The following RING1 variants were observed in gnomAD, a reference collection of about 807,000 sequenced individuals.
RING1 encodes E3 ubiquitin-protein ligase RING1.
In RING1, 8 loss-of-function variants were observed where a neutral mutation model predicts 35.0. The observed-to-expected ratio is 0.23, with a 90% CI of 0.13 to 0.41. The LOEUF (loss-of-function observed/expected upper bound fraction) is 0.41. Among genes scored for constraint, RING1 ranks in the 10% least tolerant of loss-of-function variants. RING1 has a pLI of 1.00. For missense variants in RING1, 343 were observed against 546.8 expected (o/e 0.63, Z 3.72); for synonymous variants, 214 against 224.3 (o/e 0.95, Z 0.41).
rs1349206564 is a variant in RING1, at chr6:33,208,853, A to G, written c.31A>G (p.Ser11Gly). The G allele has an allele frequency of 1.2e-6, 2 of 1,608,746 alleles. No homozygotes were observed. Reference sequence around the variant, plus strand: ...GACGCCGGCGAATGCCCAGAATGCCAGCAAAACGTGGGAACTGAGTCTGTA... The same window carrying G: ...GACGCCGGCGAATGCCCAGAATGCCGGCAAAACGTGGGAACTGAGTCTGTA... Reference protein sequence around the residue: MTTPANAQNASKTWELSLYEL... With the variant: MTTPANAQNAGKTWELSLYEL... Residue 11 changes from serine (S) to glycine (G), a missense_variant, in exon 2 of 7, where the codon AGC becomes GGC. Physicochemically the swap from Ser to Gly is moderately conservative, Grantham distance 56 (BLOSUM62 0). Coordinates refer to ENST00000374656, the MANE Select transcript of RING1 (RefSeq NM_002931.4). The surrounding 1 kb of genome is among the most constrained non-coding windows in gnomAD (Gnocchi z 6.2).
In RING1 at chr6:33,211,052, A is replaced by G; in HGVS notation, c.456-106A>G. The G allele has an allele frequency of 2.4e-6, 3 of 1,276,544 alleles. No homozygotes were observed. The highest frequency in any genetic ancestry group is 2.3e-5 in the Admixed American group (1 of 43,252). 79.1% of individuals were successfully genotyped at this position (1,276,544 alleles called of 1,614,324 possible). On this transcript the variant is annotated intron_variant, in intron 4 of 6. Transcript: ENST00000374656. The surrounding 1 kb of genome is among the most constrained non-coding windows in gnomAD (Gnocchi z 6.3). ...GCTTAGCACATTGTGTTTAATAAAT[A>G]TTAGGTATCGTCATTAGGATTTTTC... is the stretch of plus-strand genomic sequence containing the variant.
In RING1 at chr6:33,208,705, G is replaced by T. The variant is rs1775312794; in HGVS notation, c.-58-60G>T. On this transcript the variant is annotated intron_variant, in intron 1 of 6. Coordinates refer to ENST00000374656, the MANE Select transcript of RING1 (RefSeq NM_002931.4). This position sits in a 1 kb window ranked among gnomAD's most constrained non-coding sequence, Gnocchi z 6.2. Reference sequence around the variant, plus strand: ...GGCGGAGAGGGGCGCTTCTGGAGGGGCGGGGTCTACGCGAGGGGCGGCCCC... The same window carrying T: ...GGCGGAGAGGGGCGCTTCTGGAGGGTCGGGGTCTACGCGAGGGGCGGCCCC... 1.2e-6 allele frequency: 1 copy of T among 807,322 alleles called. No individual in the cohort carries two copies. Among genetic ancestry groups the T allele is most frequent in the South Asian group, 1.9e-5 (1 of 53,936 alleles). 50.0% of individuals were successfully genotyped at this position (807,322 alleles called of 1,614,324 possible). A position where few individuals can be genotyped will look rare whatever the true frequency, so the allele number is the denominator to read the frequency against.
Position 33,209,161 on chromosome 6 carries a change from C to T in RING1, c.78+261C>T. On this transcript the variant is annotated intron_variant, in intron 2 of 6. Transcript: ENST00000374656. The surrounding 1 kb of genome is among the most constrained non-coding windows in gnomAD (Gnocchi z 5.1). Reference sequence around the variant, plus strand: ...AAAATTACCTTCCCTGTTCCTCATTCAGTGTCATAAGTCAGTGCACATAAG... The same window carrying T: ...AAAATTACCTTCCCTGTTCCTCATTTAGTGTCATAAGTCAGTGCACATAAG... The T allele has an allele frequency of 1.5e-6, 1 of 686,324 alleles. No individual in the cohort carries two copies. The highest frequency in any genetic ancestry group is 2.7e-6 in the Non-Finnish European group (1 of 375,344). The allele number at this position is 686,324 out of a possible 1,614,324, so 42.5% of individuals were successfully genotyped here.
In RING1 at chr6:33,210,240, C is replaced by G. The variant is rs1043584866; in HGVS notation, c.455+110C>G. ...TCCTAGGAGCTGACCACAGACTGAT[C>G]ATTAGGGCTGGAAATCATGGGTGTA... On this transcript the variant is annotated intron_variant, in intron 4 of 6. Coordinates refer to ENST00000374656, the MANE Select transcript of RING1 (RefSeq NM_002931.4). The G allele has an allele frequency of 1.6e-5, 15 of 930,160 alleles. No individual in the cohort carries two copies. In the East Asian group the frequency reaches 4.0e-4, roughly 25 times the overall value. The allele number at this position is 930,160 out of a possible 1,614,324, so 57.6% of individuals were successfully genotyped here.
At position 33,212,617 on chromosome 6, in the gene RING1, C is replaced by T. The variant is rs1775628886; in HGVS notation, c.*218C>T. On this transcript the variant is annotated 3_prime_UTR_variant, in exon 7 of 7. Coordinates refer to ENST00000374656, the MANE Select transcript of RING1 (RefSeq NM_002931.4). ...CCCCCATCTGCTGCCTTTTCTATTG[C>T]CCTGCAACGTCCCATCTATACGAGG... The T allele has an allele frequency of 1.2e-5, 6 of 480,626 alleles. No individual in the cohort carries two copies. Among genetic ancestry groups the T allele is most frequent in the Non-Finnish European group, 1.8e-5 (5 of 272,160 alleles). 29.8% of individuals were successfully genotyped at this position (480,626 alleles called of 1,614,324 possible). A position where few individuals can be genotyped will look rare whatever the true frequency, so the allele number is the denominator to read the frequency against.
Position 33,208,885 on chromosome 6 carries a change from G to C in RING1, c.63G>C (p.Leu21=). 6.2e-7 allele frequency: 1 copy of C among 1,612,380 alleles called. No homozygotes were observed. Among genetic ancestry groups the C allele is most frequent in the African/African-American group, 1.3e-5 (1 of 75,000 alleles). ...SKTWELSLYE[L]HRTPQEAIMD... The stretch of plus-strand genomic sequence containing the variant: ...CGTGGGAACTGAGTCTGTATGAGCT[G>C]CACCGGACCCCGCAGGTGACAGGCA... The change falls in exon 2 of 7, where the codon CTG becomes CTC. Residue 21 remains leucine (L), a synonymous_variant. Transcript: ENST00000374656. The surrounding 1 kb of genome is among the most constrained non-coding windows in gnomAD (Gnocchi z 6.2).
At chr6:33,212,132 C>A in intron 6 of RING1, 130 bp downstream of exon 6, 1 of 850,690 alleles carries the variant, frequency 1.2e-6, no homozygotes, top group Admixed American at 2.5e-5. Context: ...TTTCTATGTC[C>A]CCTCTCCTTT....
Position 33,209,594 on chromosome 6 carries a change from C to T in RING1, c.79-32C>T, listed in dbSNP as rs527340598. ...TTCTAAAACCCCTTTCCCTCTAACC[C>T]ACACCACCTTTCTACTCACTGATGC... On this transcript the variant is annotated intron_variant, in intron 2 of 6. Coordinates refer to ENST00000374656, the MANE Select transcript of RING1 (RefSeq NM_002931.4). The surrounding 1 kb of genome is among the most constrained non-coding windows in gnomAD (Gnocchi z 5.1). The T allele has an allele frequency of 7.5e-6, 12 of 1,602,746 alleles. No homozygotes were observed. The African/African-American group carries it at 1.3e-4, about 18-fold the overall frequency.
rs779498989 is a variant in RING1 at position 33,208,800 on chromosome 6, T to TG, written c.-17dup. On this transcript the variant is annotated 5_prime_UTR_variant, in exon 2 of 7. Transcript: ENST00000374656. The surrounding 1 kb of genome is among the most constrained non-coding windows in gnomAD (Gnocchi z 6.2). ...CTTCTCCTCGGCTGTGGAGCCCTGG[T>TG]GGGGGGTCTGCGCCCGGTCACCATG... 4.5e-4 allele frequency: 718 copies of TG among 1,584,358 alleles called. 3 individuals are homozygous for TG. In the East Asian group the frequency reaches 7.7e-3, roughly 17 times the overall value.
chr6:33,208,720 G>A lies in RING1; in HGVS notation c.-58-45G>A. 1 of 953,984 alleles carries A rather than the reference G, an allele frequency of 1.0e-6. No individual in the cohort carries two copies. The highest frequency in any genetic ancestry group is 1.5e-6 in the Non-Finnish European group (1 of 661,256). The allele number at this position is 953,984 out of a possible 1,614,324, so 59.1% of individuals were successfully genotyped here. ...TTCTGGAGGGGCGGGGTCTACGCGA[G>A]GGGCGGCCCCCCTGACGCCCTCCTC... On this transcript the variant is annotated intron_variant, in intron 1 of 6. Transcript: ENST00000374656. This position sits in a 1 kb window ranked among gnomAD's most constrained non-coding sequence, Gnocchi z 6.2.
intron 6 of RING1, 100 bp from the exon 7 acceptor site, chr6:33,212,198 C>A: frequency 1.1e-6 from 1 of 943,834 alleles, no homozygotes; most frequent in South Asian, 1.5e-5. Flanking sequence ...TTTTTCTTTC[C>A]TCCTCCCTTG....
rs987164181 is a variant in RING1 at position 33,212,321 on chromosome 6, G to A, written c.1143G>A (p.Leu381=). The A allele has an allele frequency of 4.4e-6, 7 of 1,591,062 alleles. No individual in the cohort carries two copies. Among genetic ancestry groups the A allele is most frequent in the Non-Finnish European group, 6.0e-6 (7 of 1,168,930 alleles). The change falls in exon 7 of 7, where the codon CTG becomes CTA. Residue 381 remains leucine, a synonymous_variant. Coordinates refer to ENST00000374656, the MANE Select transcript of RING1 (RefSeq NM_002931.4). ...AGACGTTGAATGGCTCGCTGACCCTGGAGCTGGTGAATGAGAAATTCTGGA... is the reference window on the plus strand; with the variant it reads ...AGACGTTGAATGGCTCGCTGACCCTAGAGCTGGTGAATGAGAAATTCTGGA... ...AFTTLNGSLT[L]ELVNEKFWKV...
In RING1 at chr6:33,208,522, A is replaced by G. The variant is rs1583451824; in HGVS notation, c.-181A>G. On this transcript the variant is annotated 5_prime_UTR_variant, in exon 1 of 7. An upstream start codon of the reference 5' UTR is lost. Transcript: ENST00000374656. The surrounding 1 kb of genome is among the most constrained non-coding windows in gnomAD (Gnocchi z 6.2). ...GACGTAGGGCCCCAGCGCCCGGGCC[A>G]TGGCGGCGGCGGTGGCGGGAGCTGC... The G allele has an allele frequency of 4.7e-6, 2 of 423,312 alleles. No individual in the cohort carries two copies. The highest frequency in any genetic ancestry group is 8.3e-6 in the Non-Finnish European group (2 of 242,180). 26.2% of individuals were successfully genotyped at this position (423,312 alleles called of 1,614,324 possible). A position where few individuals can be genotyped will look rare whatever the true frequency, so the allele number is the denominator to read the frequency against.
At position 33,208,815 on chromosome 6, in the gene RING1, C is replaced by T. The variant is rs748926440; in HGVS notation, c.-8C>T. 1.1e-5 allele frequency: 18 copies of T among 1,599,746 alleles called. No homozygotes were observed. Among genetic ancestry groups the T allele is most frequent in the Non-Finnish European group, 1.5e-5 (17 of 1,171,110 alleles). On this transcript the variant is annotated 5_prime_UTR_variant, in exon 2 of 7. Transcript: ENST00000374656. This position sits in a 1 kb window ranked among gnomAD's most constrained non-coding sequence, Gnocchi z 6.2. ...GGAGCCCTGGTGGGGGGTCTGCGCC[C>T]GGTCACCATGACGACGCCGGCGAAT...
chr6:33,211,737 A>G lies in RING1; in HGVS notation c.854A>G (p.Lys285Arg). ...KGEYCQTRYV[K>R]TTGNATVDHL... ...CCTCCCTCCCATTCCAGGTATGTGA[A>G]GACAACTGGGAATGCCACAGTGGAC... Residue 285 changes from lysine (K) to arginine (R), a missense_variant, in exon 6 of 7, where the codon AAG becomes AGG. Around this residue, in one of 2 missense-constraint regions of RING1, gnomAD observed 278 missense variants for 383.5 expected, o/e 0.72. Coordinates refer to ENST00000374656, the MANE Select transcript of RING1 (RefSeq NM_002931.4). This position sits in a 1 kb window ranked among gnomAD's most constrained non-coding sequence, Gnocchi z 6.3. The G allele has an allele frequency of 6.5e-7, 1 of 1,544,304 alleles. No individual in the cohort carries two copies. Among genetic ancestry groups the G allele is most frequent in the Non-Finnish European group, 8.7e-7 (1 of 1,144,140 alleles).
In RING1 at chr6:33,208,760, C is replaced by A; in HGVS notation, c.-58-5C>A. 1 of 1,391,178 alleles carries A rather than the reference C, an allele frequency of 7.2e-7. No individual in the cohort carries two copies. The highest frequency in any genetic ancestry group is 9.7e-7 in the Non-Finnish European group (1 of 1,032,468). 86.2% of individuals were successfully genotyped at this position (1,391,178 alleles called of 1,614,324 possible). On this transcript the variant is annotated splice_polypyrimidine_tract_variant and splice_region_variant and intron_variant, in intron 1 of 6. Coordinates refer to ENST00000374656, the MANE Select transcript of RING1 (RefSeq NM_002931.4). The surrounding 1 kb of genome is among the most constrained non-coding windows in gnomAD (Gnocchi z 6.2). ...ACGCCCTCCTCCCCTTCCCCCCACCCCCAGCCTTCTTCGCCTTCTCCTCGG... is the reference window on the plus strand; with the variant it reads ...ACGCCCTCCTCCCCTTCCCCCCACCACCAGCCTTCTTCGCCTTCTCCTCGG...
In RING1 at chr6:33,208,834, G is replaced by A; in HGVS notation, c.12G>A (p.Pro4=). 1.2e-6 allele frequency: 2 copies of A among 1,604,600 alleles called. No homozygotes were observed. The highest frequency in any genetic ancestry group is 1.7e-4 in the Middle Eastern group (1 of 6,026). The change falls in exon 2 of 7, where the codon CCG becomes CCA. Residue 4 remains proline (P), a synonymous_variant. Transcript: ENST00000374656. The surrounding 1 kb of genome is among the most constrained non-coding windows in gnomAD (Gnocchi z 6.2). ...TGCGCCCGGTCACCATGACGACGCCGGCGAATGCCCAGAATGCCAGCAAAA... is the reference window on the plus strand; with the variant it reads ...TGCGCCCGGTCACCATGACGACGCCAGCGAATGCCCAGAATGCCAGCAAAA... MTT[P]ANAQNASKTW... is the part of the protein sequence containing the mutation.
In RING1 at chr6:33,211,799, G is replaced by A; in HGVS notation, c.916G>A (p.Glu306Lys). Reference sequence around the variant, plus strand: ...GTACTTGGCCCTGCGCATTGCCCTCGAGCGGAGGCAACAGCAGGAAGCAGG... The same window carrying A: ...GTACTTGGCCCTGCGCATTGCCCTCAAGCGGAGGCAACAGCAGGAAGCAGG... The part of the protein sequence containing the change: ...SKYLALRIAL[E>K]RRQQQEAGEP... Residue 306 changes from glutamate to lysine, a missense_variant, in exon 6 of 7, where the codon GAG (glutamate) becomes AAG (lysine). This residue lies in a region of RING1 where 278 missense variants were observed against 383.5 expected (regional missense o/e 0.72). Transcript: ENST00000374656. This position sits in a 1 kb window ranked among gnomAD's most constrained non-coding sequence, Gnocchi z 6.3. The A allele has an allele frequency of 1.9e-6, 3 of 1,603,076 alleles. No homozygotes were observed. Among genetic ancestry groups the A allele is most frequent in the South Asian group, 1.1e-5 (1 of 89,590 alleles).
At chr6:33,212,094 C>A in intron 6 of RING1, 92 bp downstream of exon 6, 1 of 1,022,352 alleles carries the variant, frequency 9.8e-7, no homozygotes, top group Non-Finnish European at 1.4e-6. Context: ...AACTCATCAG[C>A]ACTCTTCCCC....
Sources: allele counts gnomAD v4.1 joint callset, GRCh38; gene constraint gnomAD v4.1.1; regional missense constraint gnomAD v4.1.1; non-coding constraint Gnocchi (gnomAD v3.1); transcripts MANE v1.5; gene names NCBI Gene and HGNC (gene_info 2026-07-23, HGNC 2026-07-21).